CCDC171: variants seen among roughly 807,000 people sequenced by gnomAD.
CCDC171 encodes the protein coiled-coil domain containing 171, also known as coiled-coil domain-containing protein 171.
A neutral mutation model predicts 168.2 loss-of-function variants in CCDC171; 177 were observed. The observed-to-expected ratio is 1.05, with a 90% CI of 0.93 to 1.19. The LOEUF (loss-of-function observed/expected upper bound fraction) is 1.19. CCDC171 is among the 50% of genes most tolerant of loss of function. The pLI is 0.00. For synonymous variants in CCDC171, 687 were observed against 540.8 expected (o/e 1.27, Z -3.75); for missense variants, 1,991 against 1,539.0 (o/e 1.29, Z -4.91).
At chr9:15,682,626 A>G (rs1454937375) in intron 10 of CCDC171, among the ~76,000 whole-genome samples, 2 of 151,818 alleles carry the variant, frequency 1.3e-5, no homozygotes, top group Non-Finnish European at 2.9e-5. Context: ...AAATTACTTC[A>G]ATTTATAGAT....
chr9:15,758,855 C>G (rs531160929), intron 18 of CCDC171, among the ~76,000 whole-genome samples: 26 of 152,274 alleles, frequency 1.7e-4, no homozygotes, highest in Admixed American at 1.3e-3. Flanking sequence ...GTGAGATACG[C>G]CTTTCATCTT....
At chr9:15,756,175 A>G (rs1025991902) in intron 18 of CCDC171, among the ~76,000 whole-genome samples, 5 of 152,052 alleles carry the variant, frequency 3.3e-5, no homozygotes, top group African/African-American at 4.8e-5. Flanking sequence ...TAATCAACAA[A>G]CTCAACATAG....
intron 21 of CCDC171, among the ~76,000 whole-genome samples, chr9:15,796,857 A>C (rs1245474198): frequency 6.6e-6 from 1 of 152,222 alleles, no homozygotes; most frequent in Non-Finnish European, 1.5e-5. Flanking sequence ...AGATTCCCCT[A>C]TAGCAGACTC....
chr9:15,755,511 A>G lies in CCDC171; in HGVS notation c.2671+9880A>G, dbSNP rs1009641945. Among the ~76,000 whole-genome samples, 25 of 152,294 alleles carry G rather than the reference A, an allele frequency of 1.6e-4. 1 individual carries two copies. Among genetic ancestry groups the G allele is most frequent in the South Asian group, 8.3e-4 (4 of 4,822 alleles). Reference sequence around the variant, plus strand: ...GTTTGTGAATTGGATACATTTGCAAATGTTCATAGCATCAGTACGCGTGAG... The same window carrying G: ...GTTTGTGAATTGGATACATTTGCAAGTGTTCATAGCATCAGTACGCGTGAG... On this transcript the variant is annotated intron_variant, in intron 18 of 25. Transcript: ENST00000380701.
At position 15,973,547 on chromosome 9, in the gene CCDC171, C is replaced by G. The variant is rs776920622; in HGVS notation, c.*1711C>G. On this transcript the variant is annotated 3_prime_UTR_variant, in exon 26 of 26. Coordinates refer to ENST00000380701, the MANE Select transcript of CCDC171 (RefSeq NM_173550.4). ...TAGCTTTATATAAAACTTTAGAAAG[C>G]TTATATGGAGTAAAATTATATCTTT... 2.6e-4 allele frequency: 39 copies of G among 152,052 alleles called. No individual in the cohort carries two copies. The highest frequency in any genetic ancestry group is 7.4e-5 in the Non-Finnish European group (5 of 67,988). The allele number at this position is 152,052 out of a possible 1,614,324, so 9.4% of individuals were successfully genotyped here. A position where few individuals can be genotyped will look rare whatever the true frequency, so the allele number is the denominator to read the frequency against.
intron 25 of CCDC171, among the ~76,000 whole-genome samples, chr9:15,969,366 A>C (rs1300739164): frequency 6.6e-6 from 1 of 152,184 alleles, no homozygotes; most frequent in Non-Finnish European, 1.5e-5. Flanking sequence ...GTAATGTGTT[A>C]GGTTGATGGA....
chr9:16,014,614 A>T (rs1170177464), intron 3 of CCDC171, among the ~76,000 whole-genome samples: 1 of 152,202 alleles, frequency 6.6e-6, no homozygotes, highest in Non-Finnish European at 1.5e-5. Flanking sequence ...ATAAGACTAG[A>T]AAGTCAAAAG....
chr9:15,906,499 G>T (rs1176137665), intron 24 of CCDC171, among the ~76,000 whole-genome samples: 1 of 152,110 alleles, frequency 6.6e-6, no homozygotes, highest in Admixed American at 6.6e-5. Flanking sequence ...CTCTCAATAA[G>T]TTAGGTATTG....
chr9:15,678,865 G>C lies in CCDC171; in HGVS notation c.1184G>C (p.Ser395Thr). 6.3e-7 allele frequency: 1 copy of C among 1,591,160 alleles called. No homozygotes were observed. Among genetic ancestry groups the C allele is most frequent in the Admixed American group, 1.8e-5 (1 of 54,668 alleles). ...AAGAGACTCCAGTATAATGAAAAAAGTTGCAGTGAATTACAGGAAGAACTA... is the reference window on the plus strand; with the variant it reads ...AAGAGACTCCAGTATAATGAAAAAACTTGCAGTGAATTACAGGAAGAACTA... Reference protein sequence around the residue: ...LSKRLQYNEKSCSELQEELVM... With the variant: ...LSKRLQYNEKTCSELQEELVM... Residue 395 changes from serine to threonine, a missense_variant, in exon 10 of 26, where the codon AGT (serine) becomes ACT (threonine). By Grantham distance (58) the Ser-to-Thr change is moderately conservative. Coordinates refer to ENST00000380701, the MANE Select transcript of CCDC171 (RefSeq NM_173550.4).
rs895384116 is a variant in CCDC171 at position 16,005,006 on chromosome 9, C to G, written n.369-15583C>G. ...TAACATATATATTACTCATATATACCAGCTTTATTGAAGTATTAATCATGT... is the reference window on the plus strand; with the variant it reads ...TAACATATATATTACTCATATATACGAGCTTTATTGAAGTATTAATCATGT... On this transcript the variant is annotated intron_variant and non_coding_transcript_variant, in intron 3 of 9. Transcript: ENST00000486641. 5.9e-5 allele frequency among the ~76,000 whole-genome samples: 9 copies of G among 152,096 alleles called. No homozygotes were observed. In the South Asian group the frequency reaches 1.9e-3, roughly 32 times the overall value.
Position 15,815,933 on chromosome 9 carries a change from C to T in CCDC171, c.3268-30769C>T, listed in dbSNP as rs182973754. Among the ~76,000 whole-genome samples the T allele has an allele frequency of 1.1e-4, 13 of 117,266 alleles. 1 individual carries two copies. In the East Asian group the frequency reaches 2.4e-3, roughly 21 times the overall value. The allele number at this position is 117,266 out of a possible 152,430, so 76.9% of individuals were successfully genotyped here. On this transcript the variant is annotated intron_variant, in intron 21 of 25. Transcript: ENST00000380701. ...AGAAAAAGAATTAAGAAAACAATAG[C>T]TCTCAGACCACTTTTTAAAAATAAT... is the stretch of plus-strand genomic sequence containing the variant.
intron 3 of CCDC171, among the ~76,000 whole-genome samples, chr9:16,018,794 T>C (rs1049155078): frequency 4.6e-5 from 7 of 152,196 alleles, no homozygotes; most frequent in African/African-American, 1.2e-4. Context: ...CCAAGGGAGC[T>C]ACAAAAGGTT....
At chr9:15,840,225 A>G (rs1007351804) in intron 21 of CCDC171, among the ~76,000 whole-genome samples, 4 of 152,116 alleles carry the variant, frequency 2.6e-5, no homozygotes, top group Non-Finnish European at 1.5e-5. Flanking sequence ...TAGAAACCCA[A>G]CTATATGAAG....
the CCDC171 span, among the ~76,000 whole-genome samples, chr9:16,082,804 G>T: frequency 1.1e-4 from 17 of 152,148 alleles, no homozygotes; most frequent in East Asian, 5.8e-4. Flanking sequence ...TTATGCTTTG[G>T]GATTCCATTT....
At chr9:16,106,122 T>C in the CCDC171 span, among the ~76,000 whole-genome samples, 1 of 152,178 alleles carries the variant, frequency 6.6e-6, no homozygotes, top group Admixed American at 6.5e-5. Context: ...CCGGGGACAG[T>C]GGATGTTTTC....
At chr9:15,793,463 A>G (rs76635379) in intron 21 of CCDC171, among the ~76,000 whole-genome samples, 132 of 151,894 alleles carry the variant, frequency 8.7e-4, no homozygotes, top group African/African-American at 3.1e-3. Flanking sequence ...CTCTGCACCA[A>G]GCGGACCTAG....
intron 16 of CCDC171, among the ~76,000 whole-genome samples, chr9:15,741,807 T>C (rs1044519020): frequency 6.6e-6 from 1 of 152,214 alleles, no homozygotes; most frequent in Non-Finnish European, 1.5e-5. Flanking sequence ...CCAAATACAA[T>C]GTTAAATACT....
At chr9:15,787,072 C>G (rs971395198) in intron 21 of CCDC171, among the ~76,000 whole-genome samples, 1 of 152,080 alleles carries the variant, frequency 6.6e-6, no homozygotes, top group African/African-American at 2.4e-5. Flanking sequence ...CATTTCCTGG[C>G]TGGTTGAATT....
intron 3 of CCDC171, among the ~76,000 whole-genome samples, chr9:16,007,123 T>G (rs1184042112): frequency 6.6e-6 from 1 of 152,256 alleles, no homozygotes; most frequent in Non-Finnish European, 1.5e-5. Context: ...TGATCGCCTT[T>G]CTAACTGCTA....
Sources: allele counts gnomAD v4.1 joint callset (sites outside exome capture counted in the v4.1 genomes callset), GRCh38; gene constraint gnomAD v4.1.1; transcripts MANE v1.5; gene names NCBI Gene and HGNC (gene_info 2026-07-23, HGNC 2026-07-21).